Variants in MFHAS1 observed in about 807,000 individuals in gnomAD.
MFHAS1 encodes the protein malignant fibrous histiocytoma-amplified sequence 1.
A neutral mutation model predicts 70.4 loss-of-function variants in MFHAS1; 50 were observed. The ratio of observed to expected loss-of-function variants is 0.71; its 90% CI spans 0.57 to 0.90. The LOEUF (loss-of-function observed/expected upper bound fraction) is 0.90, where lower values mean the gene tolerates loss of function less well. Among genes scored for constraint, MFHAS1 ranks in the 40% least tolerant of loss-of-function variants. The pLI is 0.00. For synonymous variants in MFHAS1, 952 were observed against 620.0 expected (o/e 1.54, Z -7.96); for missense variants, 1,795 against 1,347.6 (o/e 1.33, Z -5.20).
intron 1 of MFHAS1, among the ~76,000 whole-genome samples, chr8:8,865,712 C>G (rs922451443): frequency 2.0e-5 from 3 of 152,208 alleles, no homozygotes; most frequent in Non-Finnish European, 4.4e-5. Flanking sequence ...TAATTATTAT[C>G]TGAACTGAGT....
In MFHAS1 at chr8:8,785,577, TA is replaced by T. The variant is rs1805512233; in HGVS notation, c.*444del. 1 of 160,894 alleles carries T rather than the reference TA, an allele frequency of 6.2e-6. No individual in the cohort carries two copies. Among genetic ancestry groups the T allele is most frequent in the African/African-American group, 2.4e-5 (1 of 41,678 alleles). 10.0% of individuals were successfully genotyped at this position (160,894 alleles called of 1,614,324 possible). Reference sequence around the variant, plus strand: ...CATATTATAAAAATAAAGATAAACATATACATATTTTACACTAGTTATGGAA... The same window carrying T: ...CATATTATAAAAATAAAGATAAACATTACATATTTTACACTAGTTATGGAA... On this transcript the variant is annotated 3_prime_UTR_variant, in exon 3 of 3. Transcript: ENST00000276282.
intron 1 of MFHAS1, among the ~76,000 whole-genome samples, chr8:8,872,107 T>C (rs1174234838): frequency 6.6e-6 from 1 of 152,218 alleles, no homozygotes; most frequent in Non-Finnish European, 1.5e-5. Context: ...ACGATCTGTG[T>C]AACATAAGCT....
At chr8:8,868,249 C>T (rs993733167) in intron 1 of MFHAS1, among the ~76,000 whole-genome samples, 1 of 151,854 alleles carries the variant, frequency 6.6e-6, no homozygotes, top group Non-Finnish European at 1.5e-5. Context: ...TAGCTACTTA[C>T]ATGTAAACTC....
chr8:8,819,587 G>A (rs1034003264), intron 1 of MFHAS1, among the ~76,000 whole-genome samples: 5 of 134,388 alleles, frequency 3.7e-5, no homozygotes, highest in Admixed American at 1.7e-4. Flanking sequence ...CTAGGCGACA[G>A]AGCAAGACTC....
intron 2 of MFHAS1, among the ~76,000 whole-genome samples, chr8:8,787,127 C>A (rs541389130): frequency 1.4e-4 from 21 of 150,722 alleles, no homozygotes; most frequent in Non-Finnish European, 2.7e-4. Flanking sequence ...GTTGCCCAGG[C>A]TGGAGTGCAG....
intron 2 of MFHAS1, among the ~76,000 whole-genome samples, chr8:8,787,417 G>C (rs1187077865): frequency 6.6e-6 from 1 of 152,094 alleles, no homozygotes; most frequent in Non-Finnish European, 1.5e-5. Flanking sequence ...GGTTCCAAAA[G>C]ATGAAATAAC....
chr8:8,826,502 G>T (rs1237903961), intron 1 of MFHAS1, among the ~76,000 whole-genome samples: 2 of 152,214 alleles, frequency 1.3e-5, no homozygotes, highest in African/African-American at 4.8e-5. Context: ...AGAGACCCAG[G>T]AGGGTAGATC....
At chr8:8,851,109 T>C (rs566134823) in intron 1 of MFHAS1, among the ~76,000 whole-genome samples, 1 of 152,222 alleles carries the variant, frequency 6.6e-6, no homozygotes, top group African/African-American at 2.4e-5. Flanking sequence ...ATCCCAAGGC[T>C]AGATGAATTA....
In MFHAS1 at chr8:8,893,050, C is replaced by G. The variant is rs772196002; in HGVS notation, c.9G>C (p.Gly3=). 2.7e-6 allele frequency: 4 copies of G among 1,503,784 alleles called. No homozygotes were observed. Among genetic ancestry groups the G allele is most frequent in the African/African-American group, 1.5e-5 (1 of 68,708 alleles). The allele number at this position is 1,503,784 out of a possible 1,614,324, so 93.2% of individuals were successfully genotyped here. The part of the protein sequence containing the change: MA[G]MDSGNLKTAR... The stretch of plus-strand genomic sequence containing the variant: ...CGGTCTTCAGGTTGCCACTGTCCAT[C>G]CCAGCCATGGCGGGGCCCCGGGCCG... The change falls in exon 1 of 3, where the codon GGG becomes GGC. Residue 3 remains glycine (G), a synonymous_variant. Coordinates refer to ENST00000276282, the MANE Select transcript of MFHAS1 (RefSeq NM_004225.3).
At chr8:8,829,376 T>C (rs1441718775) in intron 1 of MFHAS1, among the ~76,000 whole-genome samples, 1 of 152,210 alleles carries the variant, frequency 6.6e-6, no homozygotes, top group Non-Finnish European at 1.5e-5. Context: ...GACATCTCTA[T>C]TTCTATATCA....
chr8:8,851,807 G>T (rs539021231), intron 1 of MFHAS1, among the ~76,000 whole-genome samples: 2 of 152,214 alleles, frequency 1.3e-5, no homozygotes, highest in Admixed American at 6.5e-5. Flanking sequence ...AAGGTACATG[G>T]AAAAAGAGGA....
intron 1 of MFHAS1, among the ~76,000 whole-genome samples, chr8:8,862,083 G>A (rs562594927): frequency 3.9e-5 from 6 of 152,312 alleles, no homozygotes; most frequent in Admixed American, 3.3e-4. Flanking sequence ...GTAAACATGT[G>A]TTTAACTTTA....
rs1003261373 is a variant in MFHAS1 at position 8,893,039 on chromosome 8, C to T, written c.20G>A (p.Gly7Asp). The change falls in exon 1 of 3, where the codon GGC becomes GAC. Residue 7 changes from glycine to aspartate, a missense_variant. Gly to Asp is a moderately conservative substitution (Grantham distance 94, BLOSUM62 -1). Transcript: ENST00000276282. MAGMDSGNLKTARLWRD... is the reference protein window; with the variant it reads MAGMDSDNLKTARLWRD... ...CCACAGCCTCGCGGTCTTCAGGTTG[C>T]CACTGTCCATCCCAGCCATGGCGGG... 4 of 1,525,380 alleles carry T rather than the reference C, an allele frequency of 2.6e-6. No homozygotes were observed. In the African/African-American group the frequency reaches 5.7e-5, roughly 22 times the overall value. The allele number at this position is 1,525,380 out of a possible 1,614,324, so 94.5% of individuals were successfully genotyped here.
At chr8:8,836,624 C>A (rs1807605306) in intron 1 of MFHAS1, among the ~76,000 whole-genome samples, 2 of 152,160 alleles carry the variant, frequency 1.3e-5, no homozygotes, top group African/African-American at 4.8e-5. Context: ...GTGATCCTCC[C>A]ACCTCAGTCT....
intron 1 of MFHAS1, among the ~76,000 whole-genome samples, chr8:8,833,683 C>A (rs189323387): frequency 6.6e-6 from 1 of 152,188 alleles, no homozygotes; most frequent in East Asian, 1.9e-4. Context: ...ATGCACTTTC[C>A]ATATGACCTA....
At chr8:8,871,946 AC>A (rs1370704135) in intron 1 of MFHAS1, among the ~76,000 whole-genome samples, 1 of 152,220 alleles carries the variant, frequency 6.6e-6, no homozygotes, top group Non-Finnish European at 1.5e-5. Flanking sequence ...CTGTCACCCT[AC>A]CTAGGAAACC....
In MFHAS1 at chr8:8,892,836, G is replaced by C; in HGVS notation, c.223C>G (p.Leu75Val). Residue 75 changes from leucine to valine, a missense_variant, in exon 1 of 3, where the codon CTG (leucine) becomes GTG (valine). Transcript: ENST00000276282. This position sits in a 1 kb window ranked among gnomAD's most constrained non-coding sequence, Gnocchi z 4.7. Reference sequence around the variant, plus strand: ...CCCAGCCCCTCGGGTACCTCCTCCAGGCCGTTGTTCCCCAGGTTCAGTGCC... The same window carrying C: ...CCCAGCCCCTCGGGTACCTCCTCCACGCCGTTGTTCCCCAGGTTCAGTGCC... ...IEALNLGNNGLEEVPEGLGSA... is the reference protein window; with the variant it reads ...IEALNLGNNGVEEVPEGLGSA... 1 of 1,596,410 alleles carries C rather than the reference G, an allele frequency of 6.3e-7. No homozygotes were observed. Among genetic ancestry groups the C allele is most frequent in the Non-Finnish European group, 8.5e-7 (1 of 1,172,026 alleles).
intron 1 of MFHAS1, among the ~76,000 whole-genome samples, chr8:8,873,546 A>G (rs781591620): frequency 1.3e-5 from 2 of 150,626 alleles, no homozygotes; most frequent in Non-Finnish European, 2.9e-5. Context: ...TCTTCATCAC[A>G]TGTACAGAAA....
In MFHAS1 at chr8:8,820,714, T is replaced by C. The variant is rs1477108302; in HGVS notation, c.2999-23223A>G. Among the ~76,000 whole-genome samples, 5 of 152,208 alleles carry C rather than the reference T, an allele frequency of 3.3e-5. No homozygotes were observed. In the East Asian group the frequency reaches 5.8e-4, roughly 18 times the overall value. ...TTGGGGCTGGCTCCCGCTCTGAGAT[T>C]ATCTCTAGTCAGGATGGGAAAAACT... On this transcript the variant is annotated intron_variant, in intron 1 of 2. Coordinates refer to ENST00000276282, the MANE Select transcript of MFHAS1 (RefSeq NM_004225.3).
Sources: allele counts gnomAD v4.1 joint callset (sites outside exome capture counted in the v4.1 genomes callset), GRCh38; gene constraint gnomAD v4.1.1; non-coding constraint Gnocchi (gnomAD v3.1); transcripts MANE v1.5; gene names NCBI Gene and HGNC (gene_info 2026-07-23, HGNC 2026-07-21).